Variants in NBAS observed in about 807,000 individuals in gnomAD.
The protein encoded by NBAS is NAG/BC035112 fusion.
Under a neutral mutation model 302.5 loss-of-function variants are expected in NBAS, and 219 were observed. The ratio of observed to expected loss-of-function variants is 0.72; its 90% CI spans 0.65 to 0.81. NBAS has a LOEUF of 0.81. Ranked by LOEUF, NBAS falls within the 30% of genes least tolerant of loss-of-function variation. NBAS has a pLI of 0.00. For missense variants in NBAS, 2,932 were observed against 2,841.6 expected (o/e 1.03, Z -0.72); for synonymous variants, 1,118 against 1,021.6 (o/e 1.09, Z -1.80).
intron 21 of NBAS, among the ~76,000 whole-genome samples, chr2:15,431,798 C>T (rs920298718): frequency 6.6e-6 from 1 of 151,966 alleles, no homozygotes. Flanking sequence ...TAATGGTATA[C>T]ATCTACTAAC....
chr2:14,778,937 T>G, the NBAS span, among the ~76,000 whole-genome samples: 1 of 152,312 alleles, frequency 6.6e-6, no homozygotes, highest in Admixed American at 6.5e-5. Flanking sequence ...TTTACAAGTT[T>G]CTTTTGCATA....
chr2:15,052,764 C>A, the NBAS span, among the ~76,000 whole-genome samples: 1 of 152,104 alleles, frequency 6.6e-6, no homozygotes, highest in Non-Finnish European at 1.5e-5. Flanking sequence ...TAATAGCAAT[C>A]CAATGCAGAA....
intron 32 of NBAS, among the ~76,000 whole-genome samples, chr2:15,358,393 T>C (rs1193745354): frequency 1.3e-5 from 2 of 151,988 alleles, no homozygotes; most frequent in Admixed American, 6.6e-5. Context: ...CGTGTGTGTG[T>C]GTATGTGTGT....
intron 21 of NBAS, among the ~76,000 whole-genome samples, chr2:15,439,914 T>C (rs138021507): frequency 0.013 from 1,938 of 152,294 alleles, 32 homozygotes; most frequent in East Asian, 0.059. Context: ...CTAACACAGT[T>C]GTCTGAGATC....
At chr2:14,909,834 C>T in the NBAS span, among the ~76,000 whole-genome samples, 1 of 152,216 alleles carries the variant, frequency 6.6e-6, no homozygotes, top group African/African-American at 2.4e-5. Context: ...CCCACATGTC[C>T]AGCAGCAGCT....
intron 40 of NBAS, among the ~76,000 whole-genome samples, chr2:15,305,053 G>A (rs1670966745): frequency 6.6e-6 from 1 of 152,144 alleles, no homozygotes; most frequent in African/African-American, 2.4e-5. Context: ...GGGAACTGTT[G>A]GGAAAGCATG....
downstream of NBAS, among the ~76,000 whole-genome samples, chr2:15,165,444 T>C (rs1407021892): frequency 2.0e-5 from 3 of 152,086 alleles, no homozygotes; most frequent in African/African-American, 4.8e-5. Context: ...AATCTTGGGG[T>C]AGACAGTTGG....
At chr2:15,525,221 GC>G (rs1437349717) in intron 9 of NBAS, among the ~76,000 whole-genome samples, 1 of 152,130 alleles carries the variant, frequency 6.6e-6, no homozygotes, top group Non-Finnish European at 1.5e-5. Flanking sequence ...GCTGTTGCCT[GC>G]CAGGTATCCC....
chr2:15,468,619 T>G, intron 16 of NBAS, 86 bp from the exon 17 acceptor site: 1 of 1,457,626 alleles, frequency 6.9e-7, no homozygotes, highest in East Asian at 2.3e-5. Flanking sequence ...TGTAAAGCTA[T>G]ACCTGATGTA....
chr2:15,097,630 T>C, the NBAS span, among the ~76,000 whole-genome samples: 1 of 151,708 alleles, frequency 6.6e-6, no homozygotes, highest in Non-Finnish European at 1.5e-5. Context: ...CCTCAGGTGG[T>C]ACAAAAGAGA....
chr2:15,164,843 C>T (rs753890633), downstream of NBAS, among the ~76,000 whole-genome samples: 7 of 152,282 alleles, frequency 4.6e-5, no homozygotes, highest in South Asian at 1.2e-3. Flanking sequence ...CCCTCCCCGC[C>T]GCCCACAGAA....
At chr2:15,350,134 G>A (rs112728275) in intron 35 of NBAS, among the ~76,000 whole-genome samples, 18 of 152,086 alleles carry the variant, frequency 1.2e-4, no homozygotes, top group African/African-American at 3.9e-4. Context: ...GAATGGGGTA[G>A]TTGCATATAT....
the NBAS span, among the ~76,000 whole-genome samples, chr2:14,887,727 C>A: frequency 6.6e-6 from 1 of 152,316 alleles, no homozygotes; most frequent in South Asian, 2.1e-4. Context: ...TACTGCACAG[C>A]CCCCGGTTCC....
the NBAS span, among the ~76,000 whole-genome samples, chr2:14,841,687 T>C: frequency 6.6e-6 from 1 of 151,858 alleles, no homozygotes; most frequent in Non-Finnish European, 1.5e-5. Context: ...CCCAGGTATA[T>C]AAAGCAAACA....
In NBAS at chr2:15,561,328, G is replaced by A; in HGVS notation, c.-24C>T. The A allele has an allele frequency of 2.5e-6, 4 of 1,601,014 alleles. No individual in the cohort carries two copies. Among genetic ancestry groups the A allele is most frequent in the African/African-American group, 1.3e-5 (1 of 74,860 alleles). ...ATGTTCGCCGAGGACTCAGGCAGCG[G>A]AGGAGTGTCTCTACGGAATCCCTCA... On this transcript the variant is annotated 5_prime_UTR_variant, in exon 1 of 52. Transcript: ENST00000281513.
At chr2:15,090,332 G>T in the NBAS span, among the ~76,000 whole-genome samples, 1 of 152,202 alleles carries the variant, frequency 6.6e-6, no homozygotes, top group Non-Finnish European at 1.5e-5. Flanking sequence ...CTCCAGCTCA[G>T]CTGTGGCTTT....
the NBAS span, among the ~76,000 whole-genome samples, chr2:14,924,564 C>T: frequency 3.9e-5 from 6 of 152,240 alleles, no homozygotes; most frequent in African/African-American, 1.4e-4. Flanking sequence ...AGCTGAGATA[C>T]TCCCATCAGT....
At chr2:15,292,473 G>T (rs1670349012) in intron 41 of NBAS, 64 bp downstream of exon 41, 1 of 1,519,908 alleles carries the variant, frequency 6.6e-7, no homozygotes, top group South Asian at 1.2e-5. Context: ...AATAGTCCTG[G>T]TAACTGAACT....
the NBAS span, among the ~76,000 whole-genome samples, chr2:15,032,129 T>A: frequency 6.6e-6 from 1 of 152,224 alleles, no homozygotes; most frequent in Admixed American, 6.5e-5. Context: ...GTCATTACTC[T>A]TCTCCTGGAC....
Sources: gnomAD v4.1 joint callset for allele counts (sites outside exome capture counted in the v4.1 genomes callset) on GRCh38, gnomAD v4.1.1 for gene constraint, MANE v1.5 for transcripts, NCBI Gene and HGNC (gene_info 2026-07-23, HGNC 2026-07-21) for gene names.